The following CHEK1 variants were observed in gnomAD, a reference collection of about 807,000 sequenced individuals.
The protein encoded by CHEK1 is checkpoint kinase 1.
CHEK1 carries 32 observed loss-of-function variants against 60.2 expected under a neutral mutation model. The observed-to-expected ratio is 0.53, with a 90% CI of 0.40 to 0.71. The LOEUF (loss-of-function observed/expected upper bound fraction) is 0.71, where lower values mean the gene tolerates loss of function less well. Among genes scored for constraint, CHEK1 ranks in the 30% least tolerant of loss-of-function variants. The pLI, the probability that CHEK1 is intolerant of heterozygous loss-of-function variation, is 0.00. For missense variants in CHEK1, 399 were observed against 564.6 expected (o/e 0.71, Z 2.97); for synonymous variants, 179 against 187.2 (o/e 0.96, Z 0.36).
At position 125,651,285 on chromosome 11, in the gene CHEK1, TC is replaced by T. The variant is rs1259863813; in HGVS notation, c.1234-2460del. 2.6e-4 allele frequency among the ~76,000 whole-genome samples: 34 copies of T among 129,458 alleles called. 2 individuals carry two copies. The highest frequency in any genetic ancestry group is 6.3e-4 in the Admixed American group (8 of 12,776). 84.9% of individuals were successfully genotyped at this position (129,458 alleles called of 152,430 possible). ...TACAAAGGTGAAATAAAGACAAGCC[TC>T]TTTTTTTTTTTTTTTTTTTGAGATG... On this transcript the variant is annotated intron_variant, in intron 11 of 12. Coordinates refer to ENST00000438015, the MANE Select transcript of CHEK1 (RefSeq NM_001114122.3).
At chr11:125,643,758 AC>A (rs769495282) in intron 8 of CHEK1, 33 bp from the exon 9 acceptor site, 12 of 1,538,642 alleles carry the variant, frequency 7.8e-6, no homozygotes, top group Non-Finnish European at 1.1e-5. Context: ...TGCATAGAAG[AC>A]TTGAAAGCAT....
At chr11:125,679,222 T>TTTTTTTTTTTC (rs1942681346), downstream of CHEK1, among the ~76,000 whole-genome samples, 1 of 142,562 alleles carries the variant, frequency 7.0e-6, no homozygotes, top group Non-Finnish European at 1.5e-5. Context: ...CTTTCTTTTT[T>TTTTTTTTTTTC]TTTTTTTGTT....
At chr11:125,633,022 G>C (rs530750180) in intron 5 of CHEK1, 141 bp from the exon 6 acceptor site, 1 of 629,572 alleles carries the variant, frequency 1.6e-6, no homozygotes, top group African/African-American at 1.9e-5. Flanking sequence ...ATTTCTTTTT[G>C]TCTATTTTGC....
At chr11:125,629,326 T>G (rs1247869413) in intron 4 of CHEK1, 30 bp downstream of exon 4, 2 of 1,613,576 alleles carry the variant, frequency 1.2e-6, no homozygotes, top group Non-Finnish European at 1.7e-6. Context: ...TCCCTTTTAC[T>G]TAAAATTAGA....
At chr11:125,667,318 G>A (rs540332142) in intron 13 of CHEK1, among the ~76,000 whole-genome samples, 1 of 152,190 alleles carries the variant, frequency 6.6e-6, no homozygotes, top group African/African-American at 2.4e-5. Context: ...TATCCATGTT[G>A]CTGCAAAGGT....
intron 6 of CHEK1, among the ~76,000 whole-genome samples, chr11:125,633,971 A>AAG (rs1396595909): frequency 6.7e-6 from 1 of 149,554 alleles, no homozygotes; most frequent in Non-Finnish European, 1.5e-5. Context: ...GTGGACAGCC[A>AAG]AGAGAGCAGA....
chr11:125,669,514 C>CT (rs1942157994), intron 13 of CHEK1, among the ~76,000 whole-genome samples: 1 of 135,066 alleles, frequency 7.4e-6, no homozygotes, highest in African/African-American at 2.7e-5. Flanking sequence ...TTTTTCTTTT[C>CT]TTTTTTCCTT....
chr11:125,653,826 G>T lies in CHEK1; in HGVS notation c.1314G>T (p.Leu438Phe). The change falls in exon 12 of 13, where the codon TTG (leucine) becomes TTT (phenylalanine). Residue 438 changes from leucine to phenylalanine, a missense_variant. By Grantham distance (22) the Leu-to-Phe change is conservative. Coordinates refer to ENST00000438015, the MANE Select transcript of CHEK1 (RefSeq NM_001114122.3). This position sits in a 1 kb window ranked among gnomAD's most constrained non-coding sequence, Gnocchi z 4.3. ...VNLLEMDDKI[L>F]VDFRLSKGDG... ...TGTTAGAAATGGATGATAAAATATT[G>T]GTTGACTTCCGGCTTTCTAAGGTAT... 2 of 1,565,452 alleles carry T rather than the reference G, an allele frequency of 1.3e-6. No individual in the cohort carries two copies. The highest frequency in any genetic ancestry group is 1.2e-5 in the South Asian group (1 of 86,194).
chr11:125,673,422 C>T (rs138220186), intron 13 of CHEK1, among the ~76,000 whole-genome samples: 11,555 of 151,966 alleles, frequency 0.076, 518 homozygotes, highest in African/African-American at 0.12. Context: ...AGGCTGGTCT[C>T]GATCTCCTGA....
intron 8 of CHEK1, among the ~76,000 whole-genome samples, chr11:125,637,782 C>T (rs1403050300): frequency 6.6e-6 from 1 of 152,086 alleles, no homozygotes; most frequent in Non-Finnish European, 1.5e-5. Context: ...ACTTTTCTTC[C>T]TGAAGAAATT....
chr11:125,660,335 A>G (rs1052561545), downstream of CHEK1, among the ~76,000 whole-genome samples: 2 of 152,200 alleles, frequency 1.3e-5, no homozygotes, highest in Non-Finnish European at 2.9e-5. Context: ...GAATTACTAG[A>G]GAAGCATGTT....
At chr11:125,677,256 T>C (rs1942555451), downstream of CHEK1, among the ~76,000 whole-genome samples, 1 of 152,256 alleles carries the variant, frequency 6.6e-6, no homozygotes, top group Non-Finnish European at 1.5e-5. Flanking sequence ...TCTTGTTTTC[T>C]TTCCCAGAAC....
chr11:125,654,780 C>T (rs1361163638), intron 12 of CHEK1, among the ~76,000 whole-genome samples: 1 of 152,224 alleles, frequency 6.6e-6, no homozygotes, highest in Non-Finnish European at 1.5e-5. Flanking sequence ...CAGATGCTTG[C>T]TACAGAATTA....
In CHEK1 at chr11:125,644,080, T is replaced by C. The variant is rs1161978981; in HGVS notation, c.924-11T>C. ...ATTAAATGTATGTTTCTTTCTGTCT[T>C]AATGCCTCAGTGAAGAAAATGTGAA... On this transcript the variant is annotated splice_polypyrimidine_tract_variant and intron_variant, in intron 9 of 12. Transcript: ENST00000438015. The C allele has an allele frequency of 1.2e-6, 2 of 1,607,284 alleles. No individual in the cohort carries two copies. The highest frequency in any genetic ancestry group is 4.5e-5 in the East Asian group (2 of 44,880).
At chr11:125,642,135 T>C (rs907345698) in intron 8 of CHEK1, among the ~76,000 whole-genome samples, 2 of 152,228 alleles carry the variant, frequency 1.3e-5, no homozygotes, top group Admixed American at 1.3e-4. Flanking sequence ...ATGGGACTTA[T>C]TTGCATGTCT....
In CHEK1 at chr11:125,656,290, G is replaced by T. The variant is rs561393899; in HGVS notation, c.*970G>T. The stretch of plus-strand genomic sequence containing the variant: ...CGCGTGAACCTGGAAGTTTGAGGCT[G>T]TAGTGAGCTATGATTGCACCAGTGC... On this transcript the variant is annotated 3_prime_UTR_variant, in exon 13 of 13. Transcript: ENST00000438015. 1 of 213,538 alleles carries T rather than the reference G, an allele frequency of 4.7e-6. No homozygotes were observed. The highest frequency in any genetic ancestry group is 7.0e-5 in the East Asian group (1 of 14,250). 13.2% of individuals were successfully genotyped at this position (213,538 alleles called of 1,614,324 possible).
chr11:125,655,076 T>C, intron 12 of CHEK1, 149 bp from the exon 13 acceptor site: 1 of 587,176 alleles, frequency 1.7e-6, no homozygotes, highest in East Asian at 2.9e-5. Context: ...GGATATTTGG[T>C]CTTCATAAAC....
intron 11 of CHEK1, among the ~76,000 whole-genome samples, chr11:125,651,725 A>AG (rs1941742842): frequency 6.6e-6 from 1 of 152,164 alleles, no homozygotes; most frequent in Non-Finnish European, 1.5e-5. Context: ...CTGAGTGAGG[A>AG]GCAGGGGATA....
chr11:125,680,848 G>A (rs1942766635), downstream of CHEK1: 2 of 1,320,136 alleles, frequency 1.5e-6, no homozygotes, highest in Non-Finnish European at 2.2e-6. Context: ...GAAGCAAACT[G>A]CGAGCAAAAG....
Sources: allele counts gnomAD v4.1 joint callset (sites outside exome capture counted in the v4.1 genomes callset), GRCh38; gene constraint gnomAD v4.1.1; non-coding constraint Gnocchi (gnomAD v3.1); transcripts MANE v1.5; gene names NCBI Gene and HGNC (gene_info 2026-07-23, HGNC 2026-07-21).